SLC25A40: variants seen among roughly 807,000 people sequenced by gnomAD.
SLC25A40 encodes the protein solute carrier family 25 member 40.
SLC25A40 carries 41 observed loss-of-function variants against 46.5 expected under a neutral mutation model. The ratio of observed to expected loss-of-function variants is 0.88; its 90% CI spans 0.69 to 1.14. The LOEUF is 1.14. Among genes scored for constraint, SLC25A40 ranks in the 50% most tolerant of loss-of-function variants. The pLI is 0.00. For synonymous variants in SLC25A40, 126 were observed against 127.5 expected, an observed-to-expected ratio of 0.99 and a Z score of 0.08; for missense variants, 386 against 393.6, an observed-to-expected ratio of 0.98 and a Z score of 0.16.
intron 1 of SLC25A40, among the ~76,000 whole-genome samples, chr7:87,865,123 C>T (rs533765597): frequency 3.3e-5 from 5 of 151,926 alleles, no homozygotes; most frequent in Admixed American, 6.6e-5. Flanking sequence ...ACTACAGGCA[C>T]GAGCCACCAC....
intron 10 of SLC25A40, among the ~76,000 whole-genome samples, chr7:87,838,014 G>A (rs923392305): frequency 2.0e-5 from 3 of 151,442 alleles, no homozygotes; most frequent in Non-Finnish European, 4.4e-5. Context: ...TTAATGGAGT[G>A]TGATTATCTC....
rs1346715285 is a variant in SLC25A40 at position 87,834,142 on chromosome 7, ACAT to A, written c.*2104_*2106del. 2.6e-5 allele frequency: 4 copies of A among 151,906 alleles called. No homozygotes were observed. The highest frequency in any genetic ancestry group is 5.9e-5 in the Non-Finnish European group (4 of 67,888). 9.4% of individuals were successfully genotyped at this position (151,906 alleles called of 1,614,324 possible). A position where few individuals can be genotyped will look rare whatever the true frequency, so the allele number is the denominator to read the frequency against. On this transcript the variant is annotated 3_prime_UTR_variant, in exon 12 of 12. Coordinates refer to ENST00000341119, the MANE Select transcript of SLC25A40 (RefSeq NM_018843.4). ...GTTTGCAAATATTGCAATTCCTGCA[ACAT>A]CATATGTATTGAAAAGTCTGGAAAG...
intron 1 of SLC25A40, among the ~76,000 whole-genome samples, chr7:87,870,370 G>C (rs887118068): frequency 6.6e-6 from 1 of 152,012 alleles, no homozygotes; most frequent in African/African-American, 2.4e-5. Flanking sequence ...TCACTTTCAA[G>C]ATTAACTTAT....
At position 87,876,265 on chromosome 7, in the gene SLC25A40, CGA is replaced by C. The variant is rs1379600723; in HGVS notation, c.-265_-264del. On this transcript the variant is annotated 5_prime_UTR_variant, in exon 1 of 12. Coordinates refer to ENST00000341119, the MANE Select transcript of SLC25A40 (RefSeq NM_018843.4). ...TGCGCCAAGACCTGAAGCGGCGGAC[CGA>C]GAGCCCGGGTCTGAGACTGAGAGAG... 6.4e-6 allele frequency: 1 copy of C among 156,608 alleles called. No homozygotes were observed. Among genetic ancestry groups the C allele is most frequent in the African/African-American group, 2.4e-5 (1 of 41,542 alleles). The allele number at this position is 156,608 out of a possible 1,614,324, so 9.7% of individuals were successfully genotyped here. A position where few individuals can be genotyped will look rare whatever the true frequency, so the allele number is the denominator to read the frequency against.
intron 3 of SLC25A40, among the ~76,000 whole-genome samples, chr7:87,858,298 C>T (rs1838645462): frequency 6.6e-6 from 1 of 152,168 alleles, no homozygotes; most frequent in African/African-American, 2.4e-5. Flanking sequence ...GTCCTGTTTC[C>T]TCAGAAGCAT....
At chr7:87,874,240 G>C (rs926090168) in intron 1 of SLC25A40, among the ~76,000 whole-genome samples, 4 of 152,144 alleles carry the variant, frequency 2.6e-5, no homozygotes, top group Admixed American at 2.0e-4. Flanking sequence ...CGCATAGGGT[G>C]CAACTATGTT....
intron 1 of SLC25A40, among the ~76,000 whole-genome samples, chr7:87,870,620 A>T (rs904864332): frequency 3.3e-5 from 5 of 152,114 alleles, no homozygotes; most frequent in African/African-American, 1.2e-4. Flanking sequence ...TGCCCATAAA[A>T]ACCACAGGCT....
chr7:87,864,408 C>G (rs975503343), intron 1 of SLC25A40, among the ~76,000 whole-genome samples: 3 of 152,160 alleles, frequency 2.0e-5, no homozygotes, highest in Admixed American at 2.0e-4. Flanking sequence ...CTATATCCAC[C>G]ATGCTGATCT....
intron 10 of SLC25A40, among the ~76,000 whole-genome samples, chr7:87,840,358 T>C (rs1838313247): frequency 6.6e-6 from 1 of 151,732 alleles, no homozygotes; most frequent in Non-Finnish European, 1.5e-5. Context: ...TGTCCAGCTG[T>C]AGGTATATTG....
At chr7:87,875,625 A>C (rs1320870865) in intron 1 of SLC25A40, among the ~76,000 whole-genome samples, 3 of 151,648 alleles carry the variant, frequency 2.0e-5, no homozygotes, top group African/African-American at 7.3e-5. Flanking sequence ...TTTGATCTTT[A>C]ATCTCTGTTT....
At chr7:87,845,697 C>T (rs1838405663) in intron 8 of SLC25A40, among the ~76,000 whole-genome samples, 1 of 152,014 alleles carries the variant, frequency 6.6e-6, no homozygotes, top group Non-Finnish European at 1.5e-5. Context: ...AAATTGAAAA[C>T]CTATTTCAGT....
intron 1 of SLC25A40, 134 bp downstream of exon 1, chr7:87,875,962 G>C (rs952810790): frequency 6.6e-6 from 1 of 152,340 alleles, no homozygotes; most frequent in African/African-American, 2.4e-5. Context: ...CGCTGAGCAG[G>C]GGCTGCGGCT....
intron 1 of SLC25A40, among the ~76,000 whole-genome samples, chr7:87,875,816 G>C (rs1562753348): frequency 6.6e-6 from 1 of 152,166 alleles, no homozygotes; most frequent in Non-Finnish European, 1.5e-5. Context: ...GTCAAGGCCG[G>C]GGCCGCCTGG....
intron 9 of SLC25A40, 110 bp from the exon 10 acceptor site, chr7:87,841,824 G>A (rs962875128): frequency 4.9e-5 from 25 of 514,292 alleles, no homozygotes; most frequent in Non-Finnish European, 6.2e-5. Flanking sequence ...AACAATAACC[G>A]AACTTTAAAA....
chr7:87,842,347 T>C (rs1050341866), intron 9 of SLC25A40: 3 of 152,780 alleles, frequency 2.0e-5, no homozygotes, highest in African/African-American at 7.2e-5. Flanking sequence ...CACAATGCCT[T>C]AATTAAGGGA....
In SLC25A40 at chr7:87,836,254, A is replaced by G; in HGVS notation, c.1012T>C (p.Tyr338His). ...FQKQNVRRQQY is the reference protein window; with the variant it reads ...FQKQNVRRQQH The stretch of plus-strand genomic sequence containing the variant: ...TTCAAGTTGAAACAGCATCACTAGT[A>G]TTGCTGCCTTCGAACATTTTGTTTC... Residue 338 changes from tyrosine to histidine, a missense_variant, in exon 12 of 12, where the codon TAC becomes CAC. Tyr to His is a moderately conservative substitution (Grantham distance 83). Transcript: ENST00000341119. 4 of 1,580,038 alleles carry G rather than the reference A, an allele frequency of 2.5e-6. No individual in the cohort carries two copies. Among genetic ancestry groups the G allele is most frequent in the Non-Finnish European group, 3.4e-6 (4 of 1,162,788 alleles).
intron 9 of SLC25A40, among the ~76,000 whole-genome samples, chr7:87,843,418 T>C (rs1436203814): frequency 2.0e-5 from 3 of 152,046 alleles, no homozygotes; most frequent in African/African-American, 4.8e-5. Flanking sequence ...TGAGATGACA[T>C]TGCATGAAAT....
chr7:87,841,392 G>A (rs1466684130), intron 10 of SLC25A40, among the ~76,000 whole-genome samples: 3 of 151,432 alleles, frequency 2.0e-5, no homozygotes, highest in Non-Finnish European at 4.4e-5. Context: ...CTTCTTTATC[G>A]CAGGTATCAG....
Position 87,834,851 on chromosome 7 carries a change from TG to T in SLC25A40, c.*1397del, listed in dbSNP as rs1459872258. 2 of 151,530 alleles carry T rather than the reference TG, an allele frequency of 1.3e-5. No homozygotes were observed. Among genetic ancestry groups the T allele is most frequent in the African/African-American group, 4.8e-5 (2 of 41,380 alleles). The allele number at this position is 151,530 out of a possible 1,614,324, so 9.4% of individuals were successfully genotyped here. A position where few individuals can be genotyped will look rare whatever the true frequency, so the allele number is the denominator to read the frequency against. On this transcript the variant is annotated 3_prime_UTR_variant, in exon 12 of 12. Coordinates refer to ENST00000341119, the MANE Select transcript of SLC25A40 (RefSeq NM_018843.4). The stretch of plus-strand genomic sequence containing the variant: ...TATAAGAAAGTCATGAATATTTATG[TG>T]GATATGTATGTTGCAAATTTAAGGT...
Sources: allele counts gnomAD v4.1 joint callset (sites outside exome capture counted in the v4.1 genomes callset), GRCh38; gene constraint gnomAD v4.1.1; transcripts MANE v1.5; gene names NCBI Gene and HGNC (gene_info 2026-07-23, HGNC 2026-07-21).